RNF111: variants seen among roughly 807,000 people sequenced by gnomAD.
RNF111 encodes the protein ring finger protein 111, also known as E3 ubiquitin-protein ligase Arkadia.
A neutral mutation model predicts 95.1 loss-of-function variants in RNF111; 17 were observed. The ratio of observed to expected loss-of-function variants is 0.18; its 90% CI spans 0.12 to 0.27. The LOEUF (loss-of-function observed/expected upper bound fraction) is 0.27, where lower values mean the gene tolerates loss of function less well. Among genes scored for constraint, RNF111 ranks in the 10% least tolerant of loss-of-function variants. The pLI is 1.00. For missense variants in RNF111, 1,189 were observed against 1,210.4 expected (o/e 0.98, Z 0.26); for synonymous variants, 440 against 414.8 (o/e 1.06, Z -0.74).
intron 4 of RNF111, among the ~76,000 whole-genome samples, chr15:59,056,912 A>G (rs1403139708): frequency 6.6e-6 from 1 of 152,216 alleles, no homozygotes; most frequent in Non-Finnish European, 1.5e-5. Flanking sequence ...AGCCTTTTCC[A>G]CATTACAGTA....
chr15:59,048,850 G>T (rs1286895118), intron 2 of RNF111, among the ~76,000 whole-genome samples: 1 of 152,136 alleles, frequency 6.6e-6, no homozygotes, highest in Non-Finnish European at 1.5e-5. Context: ...CACTTTGGGG[G>T]ACTGAGGTGG....
intron 7 of RNF111, 136 bp from the exon 8 acceptor site, chr15:59,080,800 T>A (rs1157985812): frequency 4.4e-6 from 3 of 678,450 alleles, no homozygotes; most frequent in South Asian, 2.1e-5. Flanking sequence ...GAGCAGTTGC[T>A]TGAATACTTT....
intron 2 of RNF111, among the ~76,000 whole-genome samples, chr15:59,044,219 C>T (rs143539102): frequency 1.9e-4 from 29 of 152,258 alleles, no homozygotes; most frequent in African/African-American, 5.3e-4. Context: ...TTAATAGAGA[C>T]GGGGTTTTGC....
chr15:59,019,852 G>A (rs1045777203), intron 1 of RNF111, among the ~76,000 whole-genome samples: 2 of 151,942 alleles, frequency 1.3e-5, no homozygotes, highest in Non-Finnish European at 2.9e-5. Flanking sequence ...CTAGCTGCTC[G>A]GGAGGCTGAG....
At chr15:59,084,817 C>G (rs2078851443) in intron 9 of RNF111, among the ~76,000 whole-genome samples, 1 of 152,098 alleles carries the variant, frequency 6.6e-6, no homozygotes, top group South Asian at 2.1e-4. Context: ...ATGCTACTCT[C>G]TCCTGTGAGT....
chr15:59,085,718 C>G lies in RNF111; in HGVS notation c.2483C>G (p.Pro828Arg), dbSNP rs1232238671. ...AATYTPGALH[P>R]HLAHYHAPPR... ...ACTTATACACCTGGTGCATTGCATC[C>G]TCACTTGGCCCATTATCACGCACCT... Residue 828 changes from proline to arginine, a missense_variant, in exon 10 of 14, where the codon CCT becomes CGT. Pro to Arg is a moderately radical substitution (Grantham distance 103, BLOSUM62 -2). Coordinates refer to ENST00000348370, the MANE Select transcript of RNF111 (RefSeq NM_017610.8). 6.2e-7 allele frequency: 1 copy of G among 1,613,564 alleles called. No homozygotes were observed. The highest frequency in any genetic ancestry group is 8.5e-7 in the Non-Finnish European group (1 of 1,179,658).
At chr15:59,085,415 G>GT (rs2078869877) in intron 9 of RNF111, 1 of 236,330 alleles carries the variant, frequency 4.2e-6, no homozygotes, top group Admixed American at 5.3e-5. Flanking sequence ...TCCTTCCTTT[G>GT]TAAGATGTGA....
intron 1 of RNF111, among the ~76,000 whole-genome samples, chr15:59,003,011 CATT>C (rs1308471940): frequency 1.3e-5 from 2 of 152,174 alleles, no homozygotes; most frequent in East Asian, 1.9e-4. Context: ...GATAAGATCT[CATT>C]ATGTTGCCAG....
At chr15:59,029,822 A>AT (rs2040816246) in intron 1 of RNF111, among the ~76,000 whole-genome samples, 3 of 152,120 alleles carry the variant, frequency 2.0e-5, no homozygotes, top group South Asian at 4.2e-4. Context: ...AGAGGTGTTC[A>AT]TTTTTTTAGT....
intron 1 of RNF111, chr15:59,004,280 T>A: frequency 3.3e-6 from 1 of 302,628 alleles, no homozygotes; most frequent in Non-Finnish European, 5.3e-6. Flanking sequence ...TCTCTTTTTA[T>A]TATCTCCAAC....
At chr15:59,052,163 ATT>A (rs1406029280) in intron 2 of RNF111, 140 bp from the exon 3 acceptor site, 1 of 675,442 alleles carries the variant, frequency 1.5e-6, no homozygotes, top group Non-Finnish European at 2.3e-6. Context: ...TTCCTTGTGT[ATT>A]TTTTTAAAAA....
rs1185910746 is a variant in RNF111, at chr15:59,096,351, T to C, written c.*1451T>C. The stretch of plus-strand genomic sequence containing the variant: ...GGAGGACATGTTCCCATGGATCATA[T>C]GTGAAGATGTCAATAAGCTTGCATT... On this transcript the variant is annotated 3_prime_UTR_variant, in exon 14 of 14. Transcript: ENST00000348370. 2.1e-5 allele frequency: 7 copies of C among 326,590 alleles called. No individual in the cohort carries two copies. The highest frequency in any genetic ancestry group is 3.9e-5 in the Non-Finnish European group (7 of 181,364). The allele number at this position is 326,590 out of a possible 1,614,324, so 20.2% of individuals were successfully genotyped here. A position where few individuals can be genotyped will look rare whatever the true frequency, so the allele number is the denominator to read the frequency against.
At chr15:59,060,986 G>GCC (rs1451733546) in intron 5 of RNF111, among the ~76,000 whole-genome samples, 1 of 151,758 alleles carries the variant, frequency 6.6e-6, no homozygotes, top group Non-Finnish European at 1.5e-5. Flanking sequence ...ATGGGGTTTT[G>GCC]CCATGTTGCC....
In RNF111 at chr15:59,058,396, A is replaced by T. The variant is rs983116473; in HGVS notation, c.1212A>T (p.Ser404=). 6.2e-7 allele frequency: 1 copy of T among 1,614,120 alleles called. No homozygotes were observed. The highest frequency in any genetic ancestry group is 1.3e-5 in the African/African-American group (1 of 75,044). Reference sequence around the variant, plus strand: ...CAACCACTTCTGCAAGAATGGAATCACAAGCTACTAGCGCTTCCATTAACA... The same window carrying T: ...CAACCACTTCTGCAAGAATGGAATCTCAAGCTACTAGCGCTTCCATTAACA... ...VVPTTSARME[S]QATSASINNS... Residue 404 remains serine (S), a synonymous_variant, in exon 5 of 14, where the codon TCA becomes TCT. Transcript: ENST00000348370.
intron 10 of RNF111, among the ~76,000 whole-genome samples, chr15:59,086,426 C>A (rs1240676714): frequency 6.6e-6 from 1 of 152,186 alleles, no homozygotes; most frequent in Non-Finnish European, 1.5e-5. Context: ...GCCTGATTTT[C>A]TAATCTGCAG....
intron 6 of RNF111, among the ~76,000 whole-genome samples, chr15:59,071,579 G>T (rs2042929208): frequency 2.0e-5 from 3 of 151,536 alleles, no homozygotes; most frequent in Admixed American, 2.0e-4. Context: ...TTTAGTTCTA[G>T]CTTCTTGTGG....
chr15:58,998,448 T>C (rs2039180186), intron 1 of RNF111, among the ~76,000 whole-genome samples: 1 of 152,188 alleles, frequency 6.6e-6, no homozygotes, highest in Admixed American at 6.6e-5. Flanking sequence ...CCCCTCATTG[T>C]GTCCGTATGT....
intron 1 of RNF111, among the ~76,000 whole-genome samples, chr15:59,025,793 C>T (rs974850451): frequency 9.9e-5 from 15 of 151,656 alleles, no homozygotes; most frequent in African/African-American, 2.7e-4. Context: ...TGCAATGGCG[C>T]GATCTCGGCT....
chr15:59,049,745 CTTTTTT>C (rs368049097), intron 2 of RNF111: 3 of 104,630 alleles, frequency 2.9e-5, no homozygotes, highest in South Asian at 3.0e-4. Flanking sequence ...TTCTTTCTTT[CTTTTTT>C]TTTTTTTTTT....
Sources: gnomAD v4.1 joint callset for allele counts (sites outside exome capture counted in the v4.1 genomes callset) on GRCh38, gnomAD v4.1.1 for gene constraint, MANE v1.5 for transcripts, NCBI Gene and HGNC (gene_info 2026-07-23, HGNC 2026-07-21) for gene names.